The following ANK2 variants were observed in gnomAD, a reference collection of about 807,000 sequenced individuals.
The protein encoded by ANK2 is ankyrin-2.
Under a neutral mutation model 360.5 loss-of-function variants are expected in ANK2, and 83 were observed. That is an observed-to-expected ratio of 0.23 (90% CI 0.19 to 0.28). ANK2 has a LOEUF of 0.28. Among genes scored for constraint, ANK2 ranks in the 10% least tolerant of loss-of-function variants. The probability of loss-of-function intolerance (pLI) is 1.00; values close to 1 mark genes in which losing one functional copy is unlikely to be tolerated. For missense variants in ANK2, 4,201 were observed against 4,795.7 expected (o/e 0.88, Z 3.66); for synonymous variants, 1,740 against 1,759.5 (o/e 0.99, Z 0.28).
intron 2 of ANK2, among the ~76,000 whole-genome samples, chr4:113,005,379 T>C (rs1183970278): frequency 6.6e-6 from 1 of 152,158 alleles, no homozygotes; most frequent in Non-Finnish European, 1.5e-5. Flanking sequence ...AAATGTGATA[T>C]ATATAATCAA....
At chr4:113,077,238 TAA>T (rs1425387819) in intron 1 of ANK2, among the ~76,000 whole-genome samples, 11 of 152,128 alleles carry the variant, frequency 7.2e-5, no homozygotes, top group South Asian at 2.1e-4. Flanking sequence ...CATATCATGT[TAA>T]GAGAAGAAAT....
intron 1 of ANK2, among the ~76,000 whole-genome samples, chr4:113,126,589 G>A (rs2095673606): frequency 6.6e-6 from 1 of 152,138 alleles, no homozygotes. Flanking sequence ...TTCACTGTGG[G>A]CTCCGAGGGA....
chr4:113,021,573 T>C (rs1387254723), intron 2 of ANK2, among the ~76,000 whole-genome samples: 2 of 141,480 alleles, frequency 1.4e-5, no homozygotes, highest in Admixed American at 7.1e-5. Flanking sequence ...TATATATATA[T>C]ATATATGCCA....
chr4:113,196,303 T>C, intron 2 of ANK2, 65 bp from the exon 3 acceptor site: 1 of 1,233,152 alleles, frequency 8.1e-7, no homozygotes, highest in Non-Finnish European at 1.2e-6. Context: ...TATGCTTGAG[T>C]AGGATCAGGG....
rs370563902 is a variant in ANK2 at position 113,030,054 on chromosome 4, T to C, written c.21+125540T>C. 1.7e-4 allele frequency among the ~76,000 whole-genome samples: 26 copies of C among 152,124 alleles called. 1 individual carries two copies. In the East Asian group the frequency reaches 2.1e-3, roughly 12 times the overall value. On this transcript the variant is annotated intron_variant, in intron 2 of 30. Coordinates refer to the ANK2 transcript ENST00000503271. Reference sequence around the variant, plus strand: ...TATTATCTAAAACAAAAATGCAAATTAAAAATCTTGTGTACTATGTGAATT... The same window carrying C: ...TATTATCTAAAACAAAAATGCAAATCAAAAATCTTGTGTACTATGTGAATT...
chr4:112,788,636 G>T, the ANK2 span: 4 of 1,601,070 alleles, frequency 2.5e-6, no homozygotes, highest in East Asian at 4.5e-5. Context: ...GGGTGAACTG[G>T]TTAATCGCAG....
At chr4:113,109,526 A>G (rs1479449863) in intron 1 of ANK2, among the ~76,000 whole-genome samples, 1 of 152,178 alleles carries the variant, frequency 6.6e-6, no homozygotes, top group African/African-American at 2.4e-5. Context: ...GACTGTGAAG[A>G]GGGCTCCCTA....
chr4:113,195,399 C>T (rs2153384004), intron 2 of ANK2, among the ~76,000 whole-genome samples: 1 of 152,188 alleles, frequency 6.6e-6, no homozygotes, highest in East Asian at 1.9e-4. Flanking sequence ...TCTTCTATAA[C>T]AATCTACATA....
At chr4:113,151,389 C>T (rs2097077020) in intron 1 of ANK2, among the ~76,000 whole-genome samples, 1 of 152,160 alleles carries the variant, frequency 6.6e-6, no homozygotes, top group African/African-American at 2.4e-5. Context: ...CTTCAGGAAG[C>T]TTCCACTCAC....
At position 113,217,540 on chromosome 4, in the gene ANK2, A is replaced by G. The variant is rs905971889; in HGVS notation, c.385-14621A>G. On this transcript the variant is annotated intron_variant, in intron 4 of 45. Transcript: ENST00000357077. ...TTATCCATGAGCAGCGGATGGTTTC[A>G]GGATGAAGCCGTTCTGCCTCAAATC... Among the ~76,000 whole-genome samples the G allele has an allele frequency of 3.9e-5, 6 of 152,322 alleles. No homozygotes were observed. In the South Asian group the frequency reaches 1.2e-3, roughly 32 times the overall value.
At chr4:113,067,720 C>T (rs527831595) in intron 1 of ANK2, among the ~76,000 whole-genome samples, 5 of 152,172 alleles carry the variant, frequency 3.3e-5, no homozygotes, top group Non-Finnish European at 5.9e-5. Flanking sequence ...AAAGAACATG[C>T]TCATGTTTTT....
At chr4:112,808,227 T>A in the ANK2 span, among the ~76,000 whole-genome samples, 1 of 152,136 alleles carries the variant, frequency 6.6e-6, no homozygotes, top group East Asian at 1.9e-4. Flanking sequence ...ACATTTGGAG[T>A]CTTGAGTCCT....
At chr4:112,709,102 C>T in the ANK2 span, among the ~76,000 whole-genome samples, 2 of 152,094 alleles carry the variant, frequency 1.3e-5, no homozygotes, top group Non-Finnish European at 1.5e-5. Context: ...ATCAATGCGC[C>T]ATCTTTTCAG....
intron 1 of ANK2, among the ~76,000 whole-genome samples, chr4:113,103,954 A>G (rs761172206): frequency 2.3e-4 from 35 of 152,148 alleles, no homozygotes; most frequent in Non-Finnish European, 4.7e-4. Context: ...CATGCCTTTG[A>G]TTCCTTCCCT....
At chr4:113,108,670 G>A (rs1316662774) in intron 1 of ANK2, among the ~76,000 whole-genome samples, 1 of 152,074 alleles carries the variant, frequency 6.6e-6, no homozygotes, top group Non-Finnish European at 1.5e-5. Flanking sequence ...AGAAATTAGG[G>A]GAGAGAGAGA....
chr4:113,359,006 G>A lies in ANK2; in HGVS notation c.10388G>A (p.Ser3463Asn). The change falls in exon 38 of 46, where the codon AGT (serine) becomes AAT (asparagine). Residue 3463 changes from serine to asparagine, a missense_variant. By Grantham distance (46) the Ser-to-Asn change is conservative (BLOSUM62 1). Transcript: ENST00000357077. ...CRGGTSPTKE[S>N]KEHFFDLYRN... ...GGGGGCACGAGCCCCACAAAAGAAAGTAAGGAGCATTTCTTTGACCTTTAC... is the reference window on the plus strand; with the variant it reads ...GGGGGCACGAGCCCCACAAAAGAAAATAAGGAGCATTTCTTTGACCTTTAC... 1 of 1,614,112 alleles carries A rather than the reference G, an allele frequency of 6.2e-7. No individual in the cohort carries two copies. Among genetic ancestry groups the A allele is most frequent in the Non-Finnish European group, 8.5e-7 (1 of 1,179,976 alleles).
chr4:112,753,271 A>G, the ANK2 span, among the ~76,000 whole-genome samples: 2 of 152,234 alleles, frequency 1.3e-5, no homozygotes, highest in African/African-American at 2.4e-5. Flanking sequence ...ACCCATAGAT[A>G]TTACAGTTGA....
Position 113,359,316 on chromosome 4 carries a change from G to C in ANK2, c.10681+17G>C, listed in dbSNP as rs750429148. ...ATGCTGAAGGTATTTGCCAGCCACC[G>C]GGATTCCCTGTGCTACGCATGTCAT... On this transcript the variant is annotated intron_variant, in intron 38 of 45. Transcript: ENST00000357077. 1 of 1,612,832 alleles carries C rather than the reference G, an allele frequency of 6.2e-7. No individual in the cohort carries two copies. Among genetic ancestry groups the C allele is most frequent in the Admixed American group, 1.7e-5 (1 of 59,974 alleles).
chr4:113,054,021 A>G (rs368967821), intron 1 of ANK2, among the ~76,000 whole-genome samples: 1 of 152,220 alleles, frequency 6.6e-6, no homozygotes, highest in African/African-American at 2.4e-5. Context: ...AAGAGGCTGT[A>G]GGAGATTTTG....
Sources: gnomAD v4.1 joint callset for allele counts (sites outside exome capture counted in the v4.1 genomes callset) on GRCh38, gnomAD v4.1.1 for gene constraint, MANE v1.5 for transcripts, NCBI Gene and HGNC (gene_info 2026-07-23, HGNC 2026-07-21) for gene names.